DLG2: variants seen among roughly 807,000 people sequenced by gnomAD.
The protein encoded by DLG2 is disks large homolog 2.
Under a neutral mutation model 132.5 loss-of-function variants are expected in DLG2, and 45 were observed. That is an observed-to-expected ratio of 0.34 (90% CI 0.27 to 0.44). The LOEUF (loss-of-function observed/expected upper bound fraction) is 0.44, where lower values mean the gene tolerates loss of function less well. DLG2 is among the 20% of genes least tolerant of loss of function. DLG2 has a pLI of 1.00. For missense variants in DLG2, 1,045 were observed against 1,196.9 expected, an observed-to-expected ratio of 0.87 and a Z score of 1.87; for synonymous variants, 424 against 419.6, an observed-to-expected ratio of 1.01 and a Z score of -0.13.
At chr11:84,263,362 G>A (rs972155543) in intron 7 of DLG2, among the ~76,000 whole-genome samples, 2 of 152,220 alleles carry the variant, frequency 1.3e-5, no homozygotes, top group Admixed American at 1.3e-4. Context: ...AATTTGATAA[G>A]GAACAATTAT....
intron 14 of DLG2, among the ~76,000 whole-genome samples, chr11:83,943,602 TTC>T (rs2083144741): frequency 6.6e-6 from 1 of 152,246 alleles, no homozygotes; most frequent in African/African-American, 2.4e-5. Flanking sequence ...TGCAAATATA[TTC>T]TGTTACTAAC....
chr11:84,868,573 C>T (rs746536645), intron 6 of DLG2, among the ~76,000 whole-genome samples: 1 of 152,086 alleles, frequency 6.6e-6, no homozygotes, highest in Non-Finnish European at 1.5e-5. Context: ...GTAAAAATCT[C>T]CTAGGCTAGG....
intron 8 of DLG2, among the ~76,000 whole-genome samples, chr11:84,185,729 A>C (rs2096263483): frequency 6.6e-6 from 1 of 152,126 alleles, no homozygotes; most frequent in East Asian, 1.9e-4. Context: ...ATCTCTTATT[A>C]TTTTGAGGTA....
chr11:84,480,481 C>T (rs781637836), intron 7 of DLG2, among the ~76,000 whole-genome samples: 1 of 151,866 alleles, frequency 6.6e-6, no homozygotes, highest in Non-Finnish European at 1.5e-5. Flanking sequence ...GTAGATAATT[C>T]CTTCACAGAA....
chr11:84,514,085 G>A (rs1179624762), intron 7 of DLG2, among the ~76,000 whole-genome samples: 7 of 152,038 alleles, frequency 4.6e-5, no homozygotes, highest in Admixed American at 4.6e-4. Context: ...CAGGCCTATG[G>A]AAACGTGCTC....
chr11:84,656,110 A>C (rs1565576140), intron 6 of DLG2, among the ~76,000 whole-genome samples: 1 of 152,180 alleles, frequency 6.6e-6, no homozygotes, highest in Non-Finnish European at 1.5e-5. Context: ...CACAGCACAA[A>C]ACCTCTGCAT....
chr11:84,771,420 A>C (rs1490852689), intron 6 of DLG2, among the ~76,000 whole-genome samples: 2 of 152,200 alleles, frequency 1.3e-5, no homozygotes, highest in Non-Finnish European at 2.9e-5. Context: ...TCTTCTTTTG[A>C]AAAGCGTCTG....
intron 6 of DLG2, among the ~76,000 whole-genome samples, chr11:84,951,355 G>A (rs1198435843): frequency 6.6e-6 from 1 of 152,084 alleles, no homozygotes; most frequent in Non-Finnish European, 1.5e-5. Context: ...TCACAATTGA[G>A]AGAGCATGCT....
intron 3 of DLG2, among the ~76,000 whole-genome samples, chr11:85,449,617 CTTAT>C (rs565077622): frequency 2.3e-4 from 35 of 152,096 alleles, no homozygotes; most frequent in African/African-American, 8.2e-4. Context: ...GTAAGTCTCA[CTTAT>C]AGTGATTTAT....
rs139223401 is a variant in DLG2, at chr11:85,187,495, G to A, written c.187-32844C>T. 3.7e-3 allele frequency among the ~76,000 whole-genome samples: 565 copies of A among 151,228 alleles called. 3 individuals carry two copies. The highest frequency in any genetic ancestry group is 0.013 in the African/African-American group (553 of 41,222). ...TAATAGACATGATTAAAAATATATC[G>A]AATTAGAAAAAAAAGGAAGTATAAA... is the stretch of plus-strand genomic sequence containing the variant. On this transcript the variant is annotated intron_variant, in intron 4 of 27. Transcript: ENST00000376104.
intron 19 of DLG2, among the ~76,000 whole-genome samples, chr11:83,600,819 C>A (rs115405506): frequency 6.6e-6 from 1 of 152,224 alleles, no homozygotes; most frequent in Non-Finnish European, 1.5e-5. Context: ...ACAGAGGCTG[C>A]AAACAGACTT....
At chr11:84,253,464 TTAG>T (rs2097419096) in intron 7 of DLG2, among the ~76,000 whole-genome samples, 1 of 152,190 alleles carries the variant, frequency 6.6e-6, no homozygotes, top group African/African-American at 2.4e-5. Flanking sequence ...TTAAATATTA[TTAG>T]TAGTAAGTGT....
intron 18 of DLG2, among the ~76,000 whole-genome samples, chr11:83,664,731 C>A (rs2075145086): frequency 6.6e-6 from 1 of 152,154 alleles, no homozygotes. Flanking sequence ...GTGTGTCTAA[C>A]TTATGATCCA....
At chr11:83,638,832 T>C (rs966915367) in intron 18 of DLG2, among the ~76,000 whole-genome samples, 5 of 152,144 alleles carry the variant, frequency 3.3e-5, no homozygotes, top group African/African-American at 1.2e-4. Flanking sequence ...GGAATATCAG[T>C]GATTTCATTC....
chr11:85,181,402 C>T (rs1179742146), intron 4 of DLG2, among the ~76,000 whole-genome samples: 1 of 151,642 alleles, frequency 6.6e-6, no homozygotes, highest in Non-Finnish European at 1.5e-5. Context: ...TTTTAAGTTA[C>T]TATGAATTGG....
intron 7 of DLG2, among the ~76,000 whole-genome samples, chr11:84,494,220 A>T (rs115390213): frequency 5.8e-4 from 89 of 152,332 alleles, no homozygotes; most frequent in Middle Eastern, 3.4e-3. Context: ...AAAAGCAAAG[A>T]TAATACATGT....
At chr11:84,802,504 G>A (rs192597120) in intron 6 of DLG2, among the ~76,000 whole-genome samples, 12 of 152,162 alleles carry the variant, frequency 7.9e-5, no homozygotes. Flanking sequence ...CAGGAGCTAC[G>A]GTTATGGAGT....
At chr11:84,487,745 G>C (rs7927716) in intron 7 of DLG2, among the ~76,000 whole-genome samples, 2,562 of 152,154 alleles carry the variant, frequency 0.017, 68 homozygotes, top group African/African-American at 0.058. Context: ...CATGGGGATT[G>C]TGTAAAGGAC....
chr11:85,226,390 T>C (rs571874127), intron 4 of DLG2, among the ~76,000 whole-genome samples: 23 of 152,114 alleles, frequency 1.5e-4, no homozygotes, highest in African/African-American at 4.8e-4. Flanking sequence ...ATGAAAAATT[T>C]CGTTATTCAC....
Sources: allele counts gnomAD v4.1 joint callset (sites outside exome capture counted in the v4.1 genomes callset), GRCh38; gene constraint gnomAD v4.1.1; transcripts MANE v1.5; gene names NCBI Gene and HGNC (gene_info 2026-07-23, HGNC 2026-07-21).